Variants in TMC3 observed in about 807,000 individuals in gnomAD.
TMC3 encodes transmembrane channel-like protein 3.
A neutral mutation model predicts 110.6 loss-of-function variants in TMC3; 98 were observed. The observed-to-expected ratio is 0.89, with a 90% confidence interval of 0.75 to 1.05. The LOEUF (loss-of-function observed/expected upper bound fraction) is 1.05, where lower values mean the gene tolerates loss of function less well. Ranked by LOEUF, TMC3 falls within the 50% of genes least tolerant of loss-of-function variation. The pLI is 0.00. For missense variants in TMC3, 1,319 were observed against 1,373.2 expected, an observed-to-expected ratio of 0.96 and a Z score of 0.62; for synonymous variants, 489 against 513.1, an observed-to-expected ratio of 0.95 and a Z score of 0.63.
chr15:81,349,906 T>G lies in TMC3; in HGVS notation c.1084-339A>C, dbSNP rs1458844523. 4.7e-5 allele frequency among the ~76,000 whole-genome samples: 7 copies of G among 149,790 alleles called. No homozygotes were observed. In the East Asian group the frequency reaches 1.4e-3, roughly 29 times the overall value. On this transcript the variant is annotated intron_variant, in intron 10 of 21. Transcript: ENST00000359440. ...GTGAGGCCCAGGCAGGAGAATTTTT[T>G]GAGGCCAGGCATTGAAGACCAGCCT...
intron 19 of TMC3, among the ~76,000 whole-genome samples, chr15:81,337,411 C>T (rs934526799): frequency 1.3e-5 from 2 of 152,148 alleles, no homozygotes; most frequent in African/African-American, 4.8e-5. Context: ...GTAATGACAG[C>T]CACATCTAAA....
intron 14 of TMC3, 98 bp downstream of exon 14, chr15:81,343,819 G>T: frequency 7.5e-7 from 1 of 1,326,568 alleles, no homozygotes; most frequent in South Asian, 1.4e-5. Context: ...CTTTCCGTGT[G>T]TCCCCCTCAA....
intron 3 of TMC3, among the ~76,000 whole-genome samples, chr15:81,362,542 C>T (rs1485610888): frequency 6.6e-6 from 1 of 152,132 alleles, no homozygotes; most frequent in Non-Finnish European, 1.5e-5. Flanking sequence ...ATATAATATG[C>T]ACCTCAATAC....
At chr15:81,339,156 C>G (rs887635304) in intron 17 of TMC3, among the ~76,000 whole-genome samples, 1 of 152,192 alleles carries the variant, frequency 6.6e-6, no homozygotes, top group African/African-American at 2.4e-5. Flanking sequence ...CAGAACAATG[C>G]TGTTTCTCTT....
At chr15:81,355,655 T>G (rs1392164603) in intron 9 of TMC3, 70 bp downstream of exon 9, 1 of 952,968 alleles carries the variant, frequency 1.0e-6, no homozygotes, top group Non-Finnish European at 1.7e-6. Context: ...ATAGATGATC[T>G]GGTAGTTTTT....
chr15:81,355,853 C>T, intron 8 of TMC3, 85 bp from the exon 9 acceptor site: 2 of 855,296 alleles, frequency 2.3e-6, no homozygotes, highest in Non-Finnish European at 3.8e-6. Context: ...AGTAATTTAG[C>T]TCATACCTTC....
Position 81,341,441 on chromosome 15 carries a change from C to G in TMC3, c.1793G>C (p.Trp598Ser), listed in dbSNP as rs1397218015. ...GGGCACATTGCAGGTCAGCACAGCC[C>G]AGCTTCTCAGGTACATGAGCCCAAT... ...KLIGLMYLRS[W>S]AVLTCNVPHQ... The change falls in exon 16 of 22, where the codon TGG becomes TCG. Residue 598 changes from tryptophan to serine, a missense_variant. By Grantham distance (177) the Trp-to-Ser change is radical. Coordinates refer to ENST00000359440, the MANE Select transcript of TMC3 (RefSeq NM_001080532.3). The G allele has an allele frequency of 1.2e-6, 2 of 1,611,656 alleles. No homozygotes were observed. The highest frequency in any genetic ancestry group is 1.7e-6 in the Non-Finnish European group (2 of 1,178,900).
intron 12 of TMC3, among the ~76,000 whole-genome samples, 168 bp downstream of exon 12, chr15:81,346,197 A>AT (rs1567063800): frequency 6.6e-6 from 1 of 152,166 alleles, no homozygotes; most frequent in Non-Finnish European, 1.5e-5. Flanking sequence ...AACAGGGATC[A>AT]TTTTTCTCTC....
chr15:81,337,986 A>C (rs1160365684), intron 18 of TMC3, 62 bp from the exon 19 acceptor site: 8 of 1,323,724 alleles, frequency 6.0e-6, no homozygotes, highest in Non-Finnish European at 8.7e-6. Context: ...TTTTCAGACC[A>C]CATTCCCTGC....
intron 11 of TMC3, 129 bp from the exon 12 acceptor site, chr15:81,346,572 T>A (rs1299255402): frequency 2.3e-6 from 2 of 853,784 alleles, no homozygotes; most frequent in Non-Finnish European, 3.8e-6. Flanking sequence ...TGGTTTCCTC[T>A]AGAATCACCT....
At chr15:81,335,027 C>A in intron 20 of TMC3, 52 bp from the exon 21 acceptor site, 2 of 1,595,894 alleles carry the variant, frequency 1.3e-6, no homozygotes, top group East Asian at 4.5e-5. Flanking sequence ...GAGCAGGTGA[C>A]AACTTCAGAT....
Position 81,338,731 on chromosome 15 carries a change from AGTCTT to A in TMC3, c.2000_2004del (p.Lys667IlefsTer14). ...ACCACGGAGCCAAACCACACAGGAA[AGTCTT>A]TCTCAATCGTTTCTGACACAATGTC... On this transcript the variant is annotated frameshift_variant, in exon 18 of 22. Transcript: ENST00000359440. LOFTEE classifies it high-confidence loss of function. The A allele has an allele frequency of 6.2e-7, 1 of 1,614,022 alleles. No homozygotes were observed. Among genetic ancestry groups the A allele is most frequent in the Non-Finnish European group, 8.5e-7 (1 of 1,179,880 alleles).
At chr15:81,356,056 C>T (rs906684062) in intron 8 of TMC3, among the ~76,000 whole-genome samples, 2 of 151,972 alleles carry the variant, frequency 1.3e-5, no homozygotes, top group Admixed American at 1.3e-4. Flanking sequence ...TTCAATAGAG[C>T]TAAGTCTCTG....
chr15:81,345,373 G>C (rs1387599129), intron 12 of TMC3, among the ~76,000 whole-genome samples: 1 of 152,224 alleles, frequency 6.6e-6, no homozygotes, highest in Non-Finnish European at 1.5e-5. Flanking sequence ...CACGCTGCTA[G>C]TAAGTGTCAG....
In TMC3 at chr15:81,339,425, A is replaced by G; in HGVS notation, c.1924T>C (p.Tyr642His). The change falls in exon 17 of 22, where the codon TAC (tyrosine) becomes CAC (histidine). Residue 642 changes from tyrosine to histidine, a missense_variant. By Grantham distance (83) the Tyr-to-His change is moderately conservative (BLOSUM62 2). Transcript: ENST00000359440. ...MLPTIFAIVRYKPSLNCGPFS... is the reference protein window; with the variant it reads ...MLPTIFAIVRHKPSLNCGPFS... ...GGCCCACAGTTTAGAGATGGCTTGTATCGGACAATAGCAAAAATGGTTGGC... is the reference window on the plus strand; with the variant it reads ...GGCCCACAGTTTAGAGATGGCTTGTGTCGGACAATAGCAAAAATGGTTGGC... 1.9e-6 allele frequency: 3 copies of G among 1,611,400 alleles called. No individual in the cohort carries two copies. The highest frequency in any genetic ancestry group is 1.1e-5 in the South Asian group (1 of 90,186).
intron 7 of TMC3, 140 bp downstream of exon 7, chr15:81,358,009 A>G: frequency 9.4e-7 from 1 of 1,059,422 alleles, no homozygotes; most frequent in Non-Finnish European, 1.3e-6. Flanking sequence ...ATGACATTAC[A>G]CATATCATAA....
At chr15:81,359,814 C>G (rs2141718499) in intron 4 of TMC3, among the ~76,000 whole-genome samples, 1 of 152,220 alleles carries the variant, frequency 6.6e-6, no homozygotes, top group East Asian at 1.9e-4. Flanking sequence ...TGGCATATTT[C>G]TTATCTATTT....
intron 3 of TMC3, among the ~76,000 whole-genome samples, chr15:81,365,384 A>T (rs1408378981): frequency 6.6e-6 from 1 of 152,264 alleles, no homozygotes; most frequent in Non-Finnish European, 1.5e-5. Context: ...TAAGAAACAG[A>T]AAAAAGGGCC....
At position 81,331,855 on chromosome 15, in the gene TMC3, C is replaced by A. The variant is rs1012366571; in HGVS notation, c.*564G>T. 2 of 150,274 alleles carry A rather than the reference C, an allele frequency of 1.3e-5. No homozygotes were observed. The highest frequency in any genetic ancestry group is 5.1e-5 in the African/African-American group (2 of 39,208). The allele number at this position is 150,274 out of a possible 1,614,324, so 9.3% of individuals were successfully genotyped here. A position where few individuals can be genotyped will look rare whatever the true frequency, so the allele number is the denominator to read the frequency against. Reference sequence around the variant, plus strand: ...ACTGCGCATGCTCCCCTCCCCAGCGCTAGCAGGCCACTACTGCGCATGCGG... The same window carrying A: ...ACTGCGCATGCTCCCCTCCCCAGCGATAGCAGGCCACTACTGCGCATGCGG... On this transcript the variant is annotated 3_prime_UTR_variant, in exon 22 of 22. Coordinates refer to ENST00000359440, the MANE Select transcript of TMC3 (RefSeq NM_001080532.3).
Sources: allele counts gnomAD v4.1 joint callset (sites outside exome capture counted in the v4.1 genomes callset), GRCh38; gene constraint gnomAD v4.1.1; transcripts MANE v1.5; gene names NCBI Gene and HGNC (gene_info 2026-07-23, HGNC 2026-07-21).